AFG2A: variants seen among roughly 807,000 people sequenced by gnomAD.
The protein encoded by AFG2A is ATPase family gene 2 protein homolog A.
the AFG2A span, among the ~76,000 whole-genome samples, chr4:123,169,094 A>G: frequency 0.5 from 75,980 of 152,122 alleles, 23,471 homozygotes; most frequent in Non-Finnish European, 0.67. Context: ...TTCAATGCAG[A>G]TGGGGGGAAG....
the AFG2A span, among the ~76,000 whole-genome samples, chr4:122,955,231 A>T: frequency 6.6e-6 from 1 of 151,946 alleles, no homozygotes. Flanking sequence ...TAGCACTTTT[A>T]TTTGGCACCC....
chr4:123,288,136 A>G, the AFG2A span, among the ~76,000 whole-genome samples: 1 of 152,094 alleles, frequency 6.6e-6, no homozygotes, highest in East Asian at 1.9e-4. Context: ...ACCTTGACAG[A>G]GCAATTCAGT....
At chr4:122,941,713 G>T in the AFG2A span, among the ~76,000 whole-genome samples, 1 of 151,676 alleles carries the variant, frequency 6.6e-6, no homozygotes, top group South Asian at 2.1e-4. Context: ...TCTTGTGCCA[G>T]TTTTCAAAGG....
the AFG2A span, chr4:123,313,827 T>C: frequency 7.1e-7 from 1 of 1,417,432 alleles, no homozygotes; most frequent in Non-Finnish European, 9.4e-7. Context: ...AATATTATGT[T>C]TCTAAAAGAG....
At chr4:123,090,763 T>C in the AFG2A span, 3 of 1,579,154 alleles carry the variant, frequency 1.9e-6, no homozygotes, top group South Asian at 3.5e-5. Flanking sequence ...TTTGATTTTA[T>C]CAGGTTTTTG....
chr4:123,314,364 G>C, the AFG2A span: 1 of 181,104 alleles, frequency 5.5e-6, no homozygotes, highest in African/African-American at 2.3e-5. Flanking sequence ...TCTTTTTCCA[G>C]AATCTGTTTG....
At chr4:123,186,564 A>AATAATCTTATAATCTTATAGTCTT in the AFG2A span, among the ~76,000 whole-genome samples, 1 of 152,214 alleles carries the variant, frequency 6.6e-6, no homozygotes, top group Non-Finnish European at 1.5e-5. Flanking sequence ...TCTACAGTCT[A>AATAATCTTATAATCTTATAGTCTT]ATAATCTTAT....
the AFG2A span, among the ~76,000 whole-genome samples, chr4:123,153,515 G>T: frequency 1.3e-5 from 2 of 152,012 alleles, no homozygotes; most frequent in African/African-American, 4.8e-5. Context: ...GTGCAGATTT[G>T]TTACATAGGT....
At chr4:122,983,521 A>C in the AFG2A span, among the ~76,000 whole-genome samples, 2 of 152,176 alleles carry the variant, frequency 1.3e-5, no homozygotes, top group Admixed American at 6.5e-5. Flanking sequence ...CATTTGTCTT[A>C]AGACTTTTTT....
the AFG2A span, among the ~76,000 whole-genome samples, chr4:123,059,839 C>T: frequency 7.7e-3 from 1,164 of 151,952 alleles, 11 homozygotes; most frequent in Middle Eastern, 0.014. Context: ...TTTTAATGAT[C>T]GCCATTCTAA....
At chr4:122,982,741 C>A in the AFG2A span, among the ~76,000 whole-genome samples, 2 of 151,168 alleles carry the variant, frequency 1.3e-5, no homozygotes, top group Non-Finnish European at 1.5e-5. Context: ...TTCTTTCTTT[C>A]TTCTTGGTTG....
chr4:123,116,942 TAAATC>T, the AFG2A span, among the ~76,000 whole-genome samples: 1 of 152,214 alleles, frequency 6.6e-6, no homozygotes, highest in South Asian at 2.1e-4. Context: ...ATTTGTGAAT[TAAATC>T]ATATAATAAA....
chr4:123,142,578 TAAAC>T, the AFG2A span, among the ~76,000 whole-genome samples: 1 of 152,168 alleles, frequency 6.6e-6, no homozygotes, highest in African/African-American at 2.4e-5. Context: ...ATGTCCCTCT[TAAAC>T]AACTTGAGAT....
At chr4:123,045,771 T>C in the AFG2A span, among the ~76,000 whole-genome samples, 22 of 152,220 alleles carry the variant, frequency 1.4e-4, no homozygotes, top group Admixed American at 8.5e-4. Flanking sequence ...TAAGTTAATA[T>C]TTTGTGGGAA....
the AFG2A span, among the ~76,000 whole-genome samples, chr4:123,010,178 C>A: frequency 0.013 from 1,911 of 152,262 alleles, 51 homozygotes; most frequent in African/African-American, 0.044. Context: ...CTTCTACAAG[C>A]CAAATTAAAA....
At chr4:123,029,172 A>C in the AFG2A span, among the ~76,000 whole-genome samples, 1 of 152,162 alleles carries the variant, frequency 6.6e-6, no homozygotes, top group Non-Finnish European at 1.5e-5. Flanking sequence ...ATCTTGGCTC[A>C]CTGCAAGCTC....
the AFG2A span, among the ~76,000 whole-genome samples, chr4:123,215,475 C>A: frequency 6.6e-6 from 1 of 152,002 alleles, no homozygotes; most frequent in Non-Finnish European, 1.5e-5. Context: ...ATGGTCCAGT[C>A]CCTCTCCTTT....
the AFG2A span, among the ~76,000 whole-genome samples, chr4:123,241,739 T>C: frequency 6.6e-6 from 1 of 152,210 alleles, no homozygotes; most frequent in Non-Finnish European, 1.5e-5. Flanking sequence ...GGATGCCCTC[T>C]CTCACCACTC....
the AFG2A span, among the ~76,000 whole-genome samples, chr4:122,940,345 C>T: frequency 2.6e-5 from 4 of 152,222 alleles, no homozygotes; most frequent in East Asian, 3.9e-4. Context: ...GAGATGGTAT[C>T]TCATTGTGGT....
Sources: gnomAD v4.1 joint callset for allele counts (sites outside exome capture counted in the v4.1 genomes callset) on GRCh38, gnomAD v4.1.1 for gene constraint, MANE v1.5 for transcripts, NCBI Gene and HGNC (gene_info 2026-07-23, HGNC 2026-07-21) for gene names.